Variants in CCDC91 observed in about 807,000 individuals in gnomAD.
CCDC91 encodes the protein coiled-coil domain-containing protein 91.
A neutral mutation model predicts 63.2 loss-of-function variants in CCDC91; 48 were observed. The observed-to-expected ratio is 0.76, with a 90% CI of 0.60 to 0.97. The LOEUF (loss-of-function observed/expected upper bound fraction) is 0.97. Ranked by LOEUF, CCDC91 falls within the 50% of genes least tolerant of loss-of-function variation. CCDC91 has a pLI of 0.00. For synonymous variants in CCDC91, 167 were observed against 165.8 expected (o/e 1.01, Z -0.06); for missense variants, 500 against 494.6 (o/e 1.01, Z -0.10).
At chr12:28,260,843 A>G (rs1946776032) in intron 3 of CCDC91, among the ~76,000 whole-genome samples, 1 of 152,012 alleles carries the variant, frequency 6.6e-6, no homozygotes, top group African/African-American at 2.4e-5. Context: ...GAGCTGGGAT[A>G]GTAGATGATA....
At chr12:28,375,051 C>T (rs1056598121) in intron 7 of CCDC91, among the ~76,000 whole-genome samples, 6 of 151,840 alleles carry the variant, frequency 4.0e-5, no homozygotes, top group Non-Finnish European at 5.9e-5. Context: ...GAGCTGATTA[C>T]GAGCATAGAT....
At chr12:28,199,975 G>A (rs1050886387) in intron 1 of CCDC91, among the ~76,000 whole-genome samples, 3 of 152,080 alleles carry the variant, frequency 2.0e-5, no homozygotes, top group Non-Finnish European at 4.4e-5. Context: ...ATAGATTAAT[G>A]CTTTTCATCA....
chr12:28,252,234 G>A (rs1243810880), intron 1 of CCDC91, among the ~76,000 whole-genome samples: 1 of 152,044 alleles, frequency 6.6e-6, no homozygotes, highest in East Asian at 1.9e-4. Flanking sequence ...TCTCTACTGT[G>A]CCTTGCTGTG....
intron 12 of CCDC91, among the ~76,000 whole-genome samples, chr12:28,536,655 T>C (rs564958152): frequency 5.6e-4 from 85 of 152,290 alleles, no homozygotes; most frequent in African/African-American, 2.0e-3. Flanking sequence ...GAGAAATAAA[T>C]GAGTTAGCAT....
chr12:28,385,398 A>G (rs1177654515), intron 7 of CCDC91, among the ~76,000 whole-genome samples: 2 of 152,164 alleles, frequency 1.3e-5, no homozygotes, highest in South Asian at 4.1e-4. Flanking sequence ...TATATCTTCT[A>G]TGTGTCAGGC....
rs1397218605 is a variant in CCDC91 at position 28,484,099 on chromosome 12, G to A, written c.1149G>A (p.Lys383=). 23 of 1,611,736 alleles carry A rather than the reference G, an allele frequency of 1.4e-5. No individual in the cohort carries two copies. Among genetic ancestry groups the A allele is most frequent in the African/African-American group, 2.7e-5 (2 of 74,820 alleles). The change falls in exon 12 of 13, where the codon AAG becomes AAA. Residue 383 remains lysine (K), a synonymous_variant. Transcript: ENST00000536442. The stretch of plus-strand genomic sequence containing the variant: ...TAGAAGAGCAGAAACGAAGTGAAAA[G>A]GCTGTGGAAGAGGCAGTGAAAAGAA... The part of the protein sequence containing the change: ...AIIEEQKRSE[K]AVEEAVKRTR...
intron 3 of CCDC91, among the ~76,000 whole-genome samples, chr12:28,282,712 A>C (rs1204367998): frequency 6.6e-6 from 1 of 152,062 alleles, no homozygotes; most frequent in East Asian, 1.9e-4. Flanking sequence ...TAGTTTAATG[A>C]GGTTCAATTT....
chr12:28,515,156 C>A (rs1455345334), intron 12 of CCDC91, among the ~76,000 whole-genome samples: 4 of 151,684 alleles, frequency 2.6e-5, no homozygotes, highest in African/African-American at 7.3e-5. Context: ...ACTGTACCAC[C>A]AGTACTCCAG....
At chr12:28,266,870 C>T (rs1417622598) in intron 3 of CCDC91, among the ~76,000 whole-genome samples, 1 of 151,568 alleles carries the variant, frequency 6.6e-6, no homozygotes, top group African/African-American at 2.4e-5. Context: ...CCTAAGTTAG[C>T]GCCCCCCGCC....
At chr12:28,430,691 C>T (rs993720846) in intron 8 of CCDC91, among the ~76,000 whole-genome samples, 2 of 152,088 alleles carry the variant, frequency 1.3e-5, no homozygotes, top group African/African-American at 4.8e-5. Context: ...TTCCACACTT[C>T]TCTGTTTCCA....
At chr12:28,510,255 G>GTGTGTGTGTGTC (rs2141268202) in intron 12 of CCDC91, among the ~76,000 whole-genome samples, 1 of 151,852 alleles carries the variant, frequency 6.6e-6, no homozygotes, top group African/African-American at 2.4e-5. Flanking sequence ...GTGTGTGTGT[G>GTGTGTGTGTGTC]TGTAGAAAGA....
At chr12:28,460,914 AT>A (rs1160882592) in intron 11 of CCDC91, among the ~76,000 whole-genome samples, 9 of 151,918 alleles carry the variant, frequency 5.9e-5, no homozygotes, top group African/African-American at 2.2e-4. Flanking sequence ...ATGGGGATAC[AT>A]TCTGAGAAAT....
chr12:28,537,551 A>G (rs1942275331), intron 12 of CCDC91, among the ~76,000 whole-genome samples: 1 of 152,220 alleles, frequency 6.6e-6, no homozygotes, highest in African/African-American at 2.4e-5. Context: ...TAGGATTTAT[A>G]TTTGCCTCCT....
chr12:28,307,481 A>G (rs1373915368), intron 5 of CCDC91, among the ~76,000 whole-genome samples, 164 bp from the exon 6 acceptor site: 1 of 151,936 alleles, frequency 6.6e-6, no homozygotes, highest in African/African-American at 2.4e-5. Flanking sequence ...ATATTGGCCT[A>G]GAAATTAGAG....
chr12:28,529,049 A>G (rs1431795190), intron 12 of CCDC91, among the ~76,000 whole-genome samples: 1 of 152,126 alleles, frequency 6.6e-6, no homozygotes, highest in Non-Finnish European at 1.5e-5. Flanking sequence ...GTATATTTAA[A>G]TAAGCAAAGG....
intron 7 of CCDC91, among the ~76,000 whole-genome samples, chr12:28,364,887 A>G (rs1219156067): frequency 6.6e-6 from 1 of 152,216 alleles, no homozygotes; most frequent in Admixed American, 6.5e-5. Flanking sequence ...GATTCTCAGC[A>G]TATTTTAGAA....
chr12:28,535,821 G>A (rs1271066510), intron 12 of CCDC91, among the ~76,000 whole-genome samples: 2 of 152,034 alleles, frequency 1.3e-5, no homozygotes, highest in African/African-American at 4.8e-5. Context: ...GAGGTCAGGA[G>A]ATCAAGACCA....
intron 1 of CCDC91, among the ~76,000 whole-genome samples, chr12:28,240,244 C>T (rs1237443573): frequency 3.9e-5 from 6 of 152,014 alleles, no homozygotes; most frequent in South Asian, 2.1e-4. Context: ...TGTTTTCTAC[C>T]GTTTTCACTG....
chr12:28,343,068 G>A (rs1278097101), intron 6 of CCDC91, among the ~76,000 whole-genome samples: 5 of 151,956 alleles, frequency 3.3e-5, no homozygotes, highest in Non-Finnish European at 5.9e-5. Context: ...GATATGTTTG[G>A]TGGGGATGGG....
Sources: gnomAD v4.1 joint callset for allele counts (sites outside exome capture counted in the v4.1 genomes callset) on GRCh38, gnomAD v4.1.1 for gene constraint, MANE v1.5 for transcripts, NCBI Gene and HGNC (gene_info 2026-07-23, HGNC 2026-07-21) for gene names.